ZSCAN2: variants seen among roughly 807,000 people sequenced by gnomAD.
The protein encoded by ZSCAN2 is zinc finger and SCAN domain-containing protein 2.
ZSCAN2 carries 26 observed loss-of-function variants against 47.8 expected under a neutral mutation model. The observed-to-expected ratio is 0.54, with a 90% CI of 0.40 to 0.75. The LOEUF (loss-of-function observed/expected upper bound fraction) is 0.75. Among genes scored for constraint, ZSCAN2 ranks in the 30% least tolerant of loss-of-function variants. The pLI, the probability that ZSCAN2 is intolerant of heterozygous loss-of-function variation, is 0.00. For missense variants in ZSCAN2, 732 were observed against 785.4 expected (o/e 0.93, Z 0.81); for synonymous variants, 305 against 288.7 (o/e 1.06, Z -0.57).
intron 2 of ZSCAN2, among the ~76,000 whole-genome samples, chr15:84,615,518 A>T (rs1895670948): frequency 6.6e-6 from 1 of 151,972 alleles, no homozygotes; most frequent in Admixed American, 6.6e-5. Context: ...TTTTGTAGAG[A>T]TGGGGTGTTG....
chr15:84,614,375 T>C (rs1401300493), intron 2 of ZSCAN2: 2 of 152,206 alleles, frequency 1.3e-5, no homozygotes. Context: ...TTATTACAGA[T>C]GAGGCAATCA....
chr15:84,615,392 G>A (rs1285196701), intron 2 of ZSCAN2, among the ~76,000 whole-genome samples: 8 of 152,182 alleles, frequency 5.3e-5, no homozygotes, highest in Non-Finnish European at 1.2e-4. Flanking sequence ...GTCCAGTGGT[G>A]CAAATATGGC....
intron 1 of ZSCAN2, 54 bp from the exon 2 acceptor site, chr15:84,603,766 G>T (rs1295642262): frequency 5.0e-6 from 4 of 805,738 alleles, no homozygotes; most frequent in Non-Finnish European, 7.6e-6. Flanking sequence ...TTGTGAGTTA[G>T]ATTGCTTTAG....
chr15:84,618,472 C>T (rs1453532651), intron 2 of ZSCAN2, among the ~76,000 whole-genome samples: 1 of 152,070 alleles, frequency 6.6e-6, no homozygotes, highest in Non-Finnish European at 1.5e-5. Context: ...AGGGAAATTT[C>T]CTCCTCAGGC....
At position 84,620,948 on chromosome 15, in the gene ZSCAN2, A is replaced by C. The variant is rs751323619; in HGVS notation, c.753A>C (p.Lys251Asn). ...ERTHTGEKYY[K>N]CDECGKSFSD... ...CCCACACAGGAGAGAAATACTACAAATGTGATGAATGTGGAAAAAGCTTTA... is the reference window on the plus strand; with the variant it reads ...CCCACACAGGAGAGAAATACTACAACTGTGATGAATGTGGAAAAAGCTTTA... The change falls in exon 3 of 3, where the codon AAA becomes AAC. Residue 251 changes from lysine to asparagine, a missense_variant. Lys to Asn is a moderately conservative substitution (Grantham distance 94). Coordinates refer to ENST00000546148, the MANE Select transcript of ZSCAN2 (RefSeq NM_181877.4). 6.2e-7 allele frequency: 1 copy of C among 1,613,276 alleles called. No individual in the cohort carries two copies. Among genetic ancestry groups the C allele is most frequent in the East Asian group, 2.2e-5 (1 of 44,750 alleles).
Position 84,620,704 on chromosome 15 carries a change from A to G in ZSCAN2, c.509A>G (p.Gln170Arg). The change falls in exon 3 of 3, where the codon CAG (glutamine) becomes CGG (arginine). Residue 170 changes from glutamine (Q) to arginine (R), a missense_variant. By Grantham distance (43) the Gln-to-Arg change is conservative. Around this residue, in one of 2 missense-constraint regions of ZSCAN2, gnomAD observed 320 missense variants for 287.4 expected, o/e 1.11. Coordinates refer to ENST00000546148, the MANE Select transcript of ZSCAN2 (RefSeq NM_181877.4). ...GAAATGCCTGAAGGTGAAAGTGCTC[A>G]GCACTCCGATGGGGAAAGTGACTTT... is the stretch of plus-strand genomic sequence containing the variant. The part of the protein sequence containing the change: ...FSEMPEGESA[Q>R]HSDGESDFER... 4 of 1,614,262 alleles carry G rather than the reference A, an allele frequency of 2.5e-6. No individual in the cohort carries two copies. Among genetic ancestry groups the G allele is most frequent in the Non-Finnish European group, 3.4e-6 (4 of 1,180,042 alleles).
chr15:84,610,760 T>C (rs1010381928), intron 2 of ZSCAN2, among the ~76,000 whole-genome samples: 1 of 152,116 alleles, frequency 6.6e-6, no homozygotes, highest in Non-Finnish European at 1.5e-5. Context: ...GTGCAGGGAT[T>C]ACAGGCGTGA....
intron 2 of ZSCAN2, among the ~76,000 whole-genome samples, chr15:84,608,083 G>A (rs1048539053): frequency 3.3e-5 from 5 of 152,006 alleles, no homozygotes; most frequent in African/African-American, 1.2e-4. Flanking sequence ...ATTTCTTCTA[G>A]GAACCTGTAA....
intron 2 of ZSCAN2, among the ~76,000 whole-genome samples, chr15:84,617,844 G>C (rs1895730116): frequency 1.3e-5 from 2 of 152,118 alleles, no homozygotes; most frequent in South Asian, 4.1e-4. Context: ...CAAGGCTAAG[G>C]TGGGAGCGTC....
At chr15:84,615,566 G>A (rs1895671826) in intron 2 of ZSCAN2, among the ~76,000 whole-genome samples, 1 of 152,188 alleles carries the variant, frequency 6.6e-6, no homozygotes, top group Non-Finnish European at 1.5e-5. Flanking sequence ...CTGGGCTCAA[G>A]CAATCCACCT....
chr15:84,608,060 G>T (rs920441938), intron 2 of ZSCAN2, among the ~76,000 whole-genome samples: 3 of 152,058 alleles, frequency 2.0e-5, no homozygotes, highest in Non-Finnish European at 2.9e-5. Flanking sequence ...CTGTTTATAT[G>T]AATACTTGTC....
Position 84,623,156 on chromosome 15 carries a change from C to T in ZSCAN2, c.*1116C>T. ...AGGCTGGAGTGCAGTGGTGCCATCT[C>T]AGCTCACTGCAAGCTCCGCCTCCCG... On this transcript the variant is annotated 3_prime_UTR_variant, in exon 3 of 3. Transcript: ENST00000546148. 1 of 156,672 alleles carries T rather than the reference C, an allele frequency of 6.4e-6. No homozygotes were observed. Among genetic ancestry groups the T allele is most frequent in the Non-Finnish European group, 1.4e-5 (1 of 69,764 alleles). 9.7% of individuals were successfully genotyped at this position (156,672 alleles called of 1,614,324 possible). A position where few individuals can be genotyped will look rare whatever the true frequency, so the allele number is the denominator to read the frequency against.
intron 2 of ZSCAN2, among the ~76,000 whole-genome samples, chr15:84,605,651 C>A (rs1895358852): frequency 6.6e-6 from 1 of 152,130 alleles, no homozygotes; most frequent in Admixed American, 6.5e-5. Flanking sequence ...TTGAACTAGA[C>A]CCCCAAGGGG....
At position 84,621,059 on chromosome 15, in the gene ZSCAN2, C is replaced by T. The variant is rs1284194615; in HGVS notation, c.864C>T (p.Ser288=). The change falls in exon 3 of 3, where the codon AGC becomes AGT. Residue 288 remains serine (S), a synonymous_variant. Coordinates refer to ENST00000546148, the MANE Select transcript of ZSCAN2 (RefSeq NM_181877.4). The surrounding 1 kb of genome is among the most constrained non-coding windows in gnomAD (Gnocchi z 5.7). ...YKCRDCGKSF[S]RSANLITHQR... is the part of the protein sequence containing the mutation. ...GCAGAGACTGTGGGAAGAGCTTTAG[C>T]CGGAGTGCCAACCTCATAACCCACC... 5.0e-6 allele frequency: 8 copies of T among 1,614,028 alleles called. No homozygotes were observed. Among genetic ancestry groups the T allele is most frequent in the African/African-American group, 1.3e-5 (1 of 74,908 alleles).
At chr15:84,617,037 G>T (rs1014909979) in intron 2 of ZSCAN2, among the ~76,000 whole-genome samples, 1 of 152,114 alleles carries the variant, frequency 6.6e-6, no homozygotes, top group Admixed American at 6.6e-5. Context: ...CAGGAGAATT[G>T]CTTGAACCCG....
intron 2 of ZSCAN2, among the ~76,000 whole-genome samples, chr15:84,619,320 C>T (rs7180952): frequency 0.59 from 89,906 of 151,226 alleles, 27,034 homozygotes; most frequent in East Asian, 0.8. Flanking sequence ...GTCCCAGCTA[C>T]TCGGGAGGCT....
rs745911564 is a variant in ZSCAN2, at chr15:84,620,721, A to G, written c.526A>G (p.Ser176Gly). 1 of 1,614,224 alleles carries G rather than the reference A, an allele frequency of 6.2e-7. No homozygotes were observed. The highest frequency in any genetic ancestry group is 1.1e-5 in the South Asian group (1 of 91,088). Residue 176 changes from serine to glycine, a missense_variant, in exon 3 of 3, where the codon AGT (serine) becomes GGT (glycine). Ser to Gly is a moderately conservative substitution (Grantham distance 56, BLOSUM62 0). Around this residue, in one of 2 missense-constraint regions of ZSCAN2, gnomAD observed 320 missense variants for 287.4 expected, o/e 1.11. Coordinates refer to ENST00000546148, the MANE Select transcript of ZSCAN2 (RefSeq NM_181877.4). ...GESAQHSDGE[S>G]DFERDAGIQR... The stretch of plus-strand genomic sequence containing the variant: ...AAGTGCTCAGCACTCCGATGGGGAA[A>G]GTGACTTTGAGAGAGATGCTGGCAT...
rs771199411 is a variant in ZSCAN2, at chr15:84,620,670, A to G, written c.475A>G (p.Ile159Val). 3.1e-6 allele frequency: 5 copies of G among 1,614,096 alleles called. No homozygotes were observed. In the South Asian group the frequency reaches 5.5e-5, roughly 18 times the overall value. The change falls in exon 3 of 3, where the codon ATA (isoleucine) becomes GTA (valine). Residue 159 changes from isoleucine to valine, a missense_variant. By Grantham distance (29) the Ile-to-Val change is conservative. Coordinates refer to ENST00000546148, the MANE Select transcript of ZSCAN2 (RefSeq NM_181877.4). Reference protein sequence around the residue: ...QDMFENESRKIFSEMPEGESA... With the variant: ...QDMFENESRKVFSEMPEGESA... Reference sequence around the variant, plus strand: ...CATGTTTGAGAATGAATCACGTAAGATATTCTCGGAAATGCCTGAAGGTGA... The same window carrying G: ...CATGTTTGAGAATGAATCACGTAAGGTATTCTCGGAAATGCCTGAAGGTGA...
intron 2 of ZSCAN2, among the ~76,000 whole-genome samples, chr15:84,614,113 C>T (rs1200112720): frequency 6.8e-6 from 1 of 147,602 alleles, no homozygotes; most frequent in African/African-American, 2.5e-5. Context: ...ACCTCAGGTT[C>T]CTGAGTAGCT....
Sources: allele counts gnomAD v4.1 joint callset (sites outside exome capture counted in the v4.1 genomes callset), GRCh38; gene constraint gnomAD v4.1.1; regional missense constraint gnomAD v4.1.1; non-coding constraint Gnocchi (gnomAD v3.1); transcripts MANE v1.5; gene names NCBI Gene and HGNC (gene_info 2026-07-23, HGNC 2026-07-21).